GYPB: variants seen among roughly 807,000 people sequenced by gnomAD.
GYPB encodes the protein glycophorin B (MNS blood group).
GYPB carries 13 observed loss-of-function variants against 15.3 expected under a neutral mutation model. The ratio of observed to expected loss-of-function variants is 0.85; its 90% CI spans 0.55 to 1.35. The LOEUF (loss-of-function observed/expected upper bound fraction) is 1.35, where lower values mean the gene tolerates loss of function less well. GYPB is among the 40% of genes most tolerant of loss of function. The probability of loss-of-function intolerance (pLI) is 0.00; values close to 1 mark genes in which losing one functional copy is unlikely to be tolerated. For synonymous variants in GYPB, 38 were observed against 36.9 expected (o/e 1.03, Z -0.11); for missense variants, 131 against 108.3 (o/e 1.21, Z -0.93).
intron 1 of GYPB, among the ~76,000 whole-genome samples, chr4:144,016,382 TC>T (rs1377392989): frequency 6.7e-6 from 1 of 149,234 alleles, no homozygotes; most frequent in Admixed American, 6.7e-5. Flanking sequence ...CCTCTCTCTC[TC>T]CCTCCTCTCT....
chr4:144,011,213 C>G (rs11946980), intron 1 of GYPB, among the ~76,000 whole-genome samples: 1,537 of 151,190 alleles, frequency 0.01, 115 homozygotes, highest in African/African-American at 0.036. Flanking sequence ...AACCCCGTGT[C>G]TACTGAAATA....
intron 1 of GYPB, among the ~76,000 whole-genome samples, chr4:144,004,307 A>G (rs1727773022): frequency 6.6e-6 from 1 of 151,904 alleles, no homozygotes; most frequent in South Asian, 2.1e-4. Flanking sequence ...GATCTTTTTC[A>G]TAGTTCATTT....
intron 1 of GYPB, among the ~76,000 whole-genome samples, chr4:144,018,232 T>A (rs1728607485): frequency 6.6e-6 from 1 of 151,522 alleles, no homozygotes; most frequent in Admixed American, 6.6e-5. Context: ...CATAAAAATG[T>A]GGGCCCTTAA....
intron 1 of GYPB, chr4:144,002,778 C>T (rs979563069): frequency 1.1e-6 from 1 of 904,248 alleles, no homozygotes; most frequent in African/African-American, 1.8e-5. Context: ...AAACCTTTCT[C>T]TATTTATCAG....
chr4:143,999,842 C>A (rs1291842710), intron 2 of GYPB, among the ~76,000 whole-genome samples: 2 of 151,424 alleles, frequency 1.3e-5, no homozygotes, highest in Admixed American at 1.3e-4. Flanking sequence ...CAGTCCCATG[C>A]AAAGAAGGGT....
At chr4:144,012,446 A>G (rs1439453821) in intron 1 of GYPB, 2 of 151,554 alleles carry the variant, frequency 1.3e-5, no homozygotes, top group African/African-American at 2.5e-5. Context: ...TAAAATGCGC[A>G]TAATTTTTTT....
intron 3 of GYPB, chr4:143,999,159 T>C (rs1169993921): frequency 2.0e-5 from 7 of 343,264 alleles, no homozygotes; most frequent in Non-Finnish European, 3.3e-5. Flanking sequence ...TAGCCAGGCT[T>C]GGCCTCCCAA....
At chr4:144,007,403 G>T (rs1273730437) in intron 1 of GYPB, among the ~76,000 whole-genome samples, 2 of 151,794 alleles carry the variant, frequency 1.3e-5, no homozygotes, top group East Asian at 3.8e-4. Context: ...TTCCTAACTT[G>T]GTAGAGAAGG....
At chr4:144,010,616 C>T (rs1037848452) in intron 1 of GYPB, among the ~76,000 whole-genome samples, 5 of 151,350 alleles carry the variant, frequency 3.3e-5, no homozygotes, top group Non-Finnish European at 1.5e-5. Context: ...TTAACTATGT[C>T]TCAATAATAC....
At chr4:143,996,951 G>A (rs1405988204) in intron 4 of GYPB, among the ~76,000 whole-genome samples, 1 of 150,620 alleles carries the variant, frequency 6.6e-6, no homozygotes, top group Non-Finnish European at 1.5e-5. Flanking sequence ...CTGTTGCCCA[G>A]GCTGGAGTGC....
intron 1 of GYPB, among the ~76,000 whole-genome samples, chr4:144,009,302 A>T (rs940738336): frequency 6.6e-6 from 1 of 151,294 alleles, no homozygotes; most frequent in Non-Finnish European, 1.5e-5. Flanking sequence ...CTTTAGTCTA[A>T]AACTTAAGTT....
intron 1 of GYPB, among the ~76,000 whole-genome samples, chr4:144,013,165 A>G (rs1033482172): frequency 6.6e-6 from 1 of 151,406 alleles, no homozygotes; most frequent in Admixed American, 6.6e-5. Flanking sequence ...AACACATGAA[A>G]AAATGCTCAT....
chr4:144,004,012 G>T (rs951416803), intron 1 of GYPB, among the ~76,000 whole-genome samples: 18 of 151,556 alleles, frequency 1.2e-4, no homozygotes, highest in African/African-American at 4.4e-4. Context: ...ATGTAAAATT[G>T]TATACACTTT....
chr4:144,008,048 A>G (rs1328616411), intron 1 of GYPB, among the ~76,000 whole-genome samples: 2 of 151,496 alleles, frequency 1.3e-5, no homozygotes, highest in Admixed American at 6.6e-5. Context: ...TTCATTCCAC[A>G]CATCTCTCTA....
intron 1 of GYPB, among the ~76,000 whole-genome samples, chr4:144,013,904 A>G (rs1460454161): frequency 6.6e-6 from 1 of 150,764 alleles, no homozygotes; most frequent in Non-Finnish European, 1.5e-5. Context: ...GTACCCTAAA[A>G]CTTAAAGTAT....
At chr4:144,019,132 G>T (rs558164862) in intron 1 of GYPB, 119 bp downstream of exon 1, 2 of 1,487,116 alleles carry the variant, frequency 1.3e-6, no homozygotes, top group Admixed American at 4.2e-5. Context: ...CAGACTGGAA[G>T]AGGAAATACT....
Position 144,001,222 on chromosome 4 carries a change from A to G in GYPB, c.99T>C (p.Ser33=). 6.2e-7 allele frequency: 1 copy of G among 1,612,940 alleles called. No individual in the cohort carries two copies. Among genetic ancestry groups the G allele is most frequent in the Non-Finnish European group, 8.5e-7 (1 of 1,179,820 alleles). Residue 33 remains serine (S), a synonymous_variant, in exon 2 of 5, where the codon TCT becomes TCC. Coordinates refer to ENST00000502664, the MANE Select transcript of GYPB (RefSeq NM_002100.6). ...TEVAMHTSTS[S]SVTKSYISSQ... ...ATGAGATGTAACTCTTTGTGACTGA[A>G]GAAGAGGTTGAAGTGTGCATTGCCA...
Position 144,009,363 on chromosome 4 carries a change from A to G in GYPB, c.38-8080T>C, listed in dbSNP as rs1728093036. 2.0e-5 allele frequency among the ~76,000 whole-genome samples: 3 copies of G among 151,038 alleles called. No individual in the cohort carries two copies. In the South Asian group the frequency reaches 6.2e-4, roughly 31 times the overall value. Reference sequence around the variant, plus strand: ...TAGCACAAGTATTAGTAAACTTCCTATGTAAAGGGAGAGAGAGTAACTACT... The same window carrying G: ...TAGCACAAGTATTAGTAAACTTCCTGTGTAAAGGGAGAGAGAGTAACTACT... On this transcript the variant is annotated intron_variant, in intron 1 of 4. Transcript: ENST00000502664.
At chr4:144,010,312 CA>C (rs1211887504) in intron 1 of GYPB, among the ~76,000 whole-genome samples, 2 of 151,006 alleles carry the variant, frequency 1.3e-5, no homozygotes, top group Admixed American at 6.6e-5. Context: ...AATTAAATAA[CA>C]AAAAAATTAG....
Sources: gnomAD v4.1 joint callset for allele counts (sites outside exome capture counted in the v4.1 genomes callset) on GRCh38, gnomAD v4.1.1 for gene constraint, MANE v1.5 for transcripts, NCBI Gene and HGNC (gene_info 2026-07-23, HGNC 2026-07-21) for gene names.